PAK5: variants seen among roughly 807,000 people sequenced by gnomAD.
PAK5 encodes the protein p21 (RAC1) activated kinase 5.
Under a neutral mutation model 65.9 loss-of-function variants are expected in PAK5, and 16 were observed. The ratio of observed to expected loss-of-function variants is 0.24; its 90% confidence interval spans 0.16 to 0.37. The LOEUF (loss-of-function observed/expected upper bound fraction) is 0.37, where lower values mean the gene tolerates loss of function less well. Among genes scored for constraint, PAK5 ranks in the 10% least tolerant of loss-of-function variants. The pLI, the probability that PAK5 is intolerant of heterozygous loss-of-function variation, is 1.00. For synonymous variants in PAK5, 371 were observed against 354.9 expected (o/e 1.05, Z -0.51); for missense variants, 785 against 903.9 (o/e 0.87, Z 1.69).
Position 9,563,998 on chromosome 20 carries a change from G to A in PAK5, c.1483-974C>T, listed in dbSNP as rs539413780. Among the ~76,000 whole-genome samples, 3 of 152,234 alleles carry A rather than the reference G, an allele frequency of 2.0e-5. No individual in the cohort carries two copies. In the East Asian group the frequency reaches 5.8e-4, roughly 30 times the overall value. On this transcript the variant is annotated intron_variant, in intron 5 of 9. Transcript: ENST00000353224. ...ACACCTTCTTACTTCTCAGAGAATG[G>A]GAGTCCTTACAATAGAAAGACAAAG... is the stretch of plus-strand genomic sequence containing the variant.
chr20:9,833,915 T>C (rs1398034196), intron 1 of PAK5, among the ~76,000 whole-genome samples: 1 of 152,210 alleles, frequency 6.6e-6, no homozygotes, highest in Non-Finnish European at 1.5e-5. Flanking sequence ...ACTCAATTTA[T>C]ATATTAGTGA....
At chr20:9,607,293 G>C (rs1199288875) in intron 3 of PAK5, among the ~76,000 whole-genome samples, 1 of 152,234 alleles carries the variant, frequency 6.6e-6, no homozygotes, top group African/African-American at 2.4e-5. Flanking sequence ...AAGGAAAATG[G>C]AGGGACATTC....
intron 3 of PAK5, among the ~76,000 whole-genome samples, chr20:9,640,009 C>A (rs2047030779): frequency 6.6e-6 from 1 of 152,186 alleles, no homozygotes; most frequent in South Asian, 2.1e-4. Context: ...ATAATGCATA[C>A]ACTCTAACAA....
chr20:9,673,403 G>A (rs1265907195), intron 2 of PAK5, among the ~76,000 whole-genome samples: 1 of 152,140 alleles, frequency 6.6e-6, no homozygotes, highest in Non-Finnish European at 1.5e-5. Flanking sequence ...TCTGTCAATA[G>A]AGTAGCCGTG....
At chr20:9,596,635 CAA>C (rs35576059) in intron 3 of PAK5, among the ~76,000 whole-genome samples, 1,393 of 52,614 alleles carry the variant, frequency 0.026, 7 homozygotes, top group African/African-American at 0.078. Context: ...GACTCCGTCT[CAA>C]AAAAAAAAAA....
intron 1 of PAK5, among the ~76,000 whole-genome samples, chr20:9,719,686 C>T (rs1195147747): frequency 6.6e-6 from 1 of 152,148 alleles, no homozygotes; most frequent in African/African-American, 2.4e-5. Flanking sequence ...AACTAGATGA[C>T]CCAGGTTCTA....
At chr20:9,776,558 G>A (rs890346516) in intron 1 of PAK5, among the ~76,000 whole-genome samples, 5 of 152,198 alleles carry the variant, frequency 3.3e-5, no homozygotes, top group African/African-American at 1.2e-4. Flanking sequence ...TAAGTCAGAA[G>A]TGGTATATCA....
intron 3 of PAK5, among the ~76,000 whole-genome samples, chr20:9,633,899 T>C (rs1166990498): frequency 6.6e-6 from 1 of 152,194 alleles, no homozygotes; most frequent in East Asian, 1.9e-4. Context: ...AACTGACAAT[T>C]GCTTTAAAAT....
chr20:9,558,014 T>TTATG (rs1459731616), intron 6 of PAK5, among the ~76,000 whole-genome samples: 9 of 125,510 alleles, frequency 7.2e-5, no homozygotes, highest in African/African-American at 2.7e-4. Flanking sequence ...ACTCATTTAT[T>TTATG]TATTTATTTA....
At chr20:9,620,545 C>G (rs1351563797) in intron 3 of PAK5, among the ~76,000 whole-genome samples, 2 of 152,178 alleles carry the variant, frequency 1.3e-5, no homozygotes, top group Non-Finnish European at 2.9e-5. Context: ...TGTGGGCTTG[C>G]TTCCACCTGG....
chr20:9,837,193 C>T (rs184147096), intron 1 of PAK5, among the ~76,000 whole-genome samples: 6 of 152,332 alleles, frequency 3.9e-5, no homozygotes, highest in Admixed American at 3.9e-4. Context: ...TTGCCATTGG[C>T]TTATATTGCT....
At chr20:9,829,710 C>T (rs1382731355) in intron 1 of PAK5, among the ~76,000 whole-genome samples, 1 of 152,104 alleles carries the variant, frequency 6.6e-6, no homozygotes, top group African/African-American at 2.4e-5. Context: ...AAAGGAGTCC[C>T]ACATGTTACA....
chr20:9,771,833 T>C (rs1160933455), intron 1 of PAK5, among the ~76,000 whole-genome samples: 2 of 151,652 alleles, frequency 1.3e-5, no homozygotes, highest in East Asian at 2.0e-4. Context: ...TGAGCAGGAG[T>C]TTGAGACCAG....
chr20:9,573,098 C>CTT lies in PAK5; in HGVS notation c.991-6716_991-6715dup, dbSNP rs34357361. On this transcript the variant is annotated intron_variant, in intron 4 of 9. Coordinates refer to ENST00000353224, the MANE Select transcript of PAK5 (RefSeq NM_177990.4). ...CAAGCAGTCATGATTGTGATTTCCT[C>CTT]TTTTTTTTTTTTGAAATGGCTAATA... Among the ~76,000 whole-genome samples the CTT allele has an allele frequency of 7.7e-4, 113 of 146,310 alleles. No homozygotes were observed. In the Middle Eastern group the frequency reaches 0.011, roughly 14 times the overall value.
At chr20:9,543,432 C>T (rs974518896) in intron 8 of PAK5, among the ~76,000 whole-genome samples, 1 of 152,116 alleles carries the variant, frequency 6.6e-6, no homozygotes, top group Non-Finnish European at 1.5e-5. Context: ...CATTATACCT[C>T]TTATCTGATG....
At chr20:9,835,984 G>C (rs1415336318) in intron 1 of PAK5, among the ~76,000 whole-genome samples, 1 of 152,140 alleles carries the variant, frequency 6.6e-6, no homozygotes, top group Non-Finnish European at 1.5e-5. Flanking sequence ...TCAACTGGGG[G>C]CACAGTATGT....
rs909672809 is a variant in PAK5, at chr20:9,715,311, G to T, written c.-161-3876C>A. 3.7e-4 allele frequency among the ~76,000 whole-genome samples: 57 copies of T among 152,136 alleles called. No individual in the cohort carries two copies. In the South Asian group the frequency reaches 0.011, roughly 29 times the overall value. ...CATGAAAAAATGCTCATCATCACTG[G>T]CCATCAGAGAAATGCAAATCGAAAC... is the stretch of plus-strand genomic sequence containing the variant. On this transcript the variant is annotated intron_variant, in intron 1 of 9. Transcript: ENST00000353224.
intron 3 of PAK5, among the ~76,000 whole-genome samples, chr20:9,590,625 A>T (rs1392249254): frequency 1.3e-5 from 2 of 151,442 alleles, no homozygotes; most frequent in African/African-American, 4.9e-5. Context: ...GTGCCAAAAA[A>T]AAAAAAAAAA....
intron 2 of PAK5, among the ~76,000 whole-genome samples, chr20:9,683,792 C>G (rs1033148640): frequency 3.9e-5 from 6 of 152,092 alleles, no homozygotes; most frequent in African/African-American, 1.4e-4. Context: ...GATCATAGCT[C>G]ACTGCAGCCT....
Sources: gnomAD v4.1 joint callset for allele counts (sites outside exome capture counted in the v4.1 genomes callset) on GRCh38, gnomAD v4.1.1 for gene constraint, MANE v1.5 for transcripts, NCBI Gene and HGNC (gene_info 2026-07-23, HGNC 2026-07-21) for gene names.